SMYD3: variants seen among roughly 807,000 people sequenced by gnomAD.
SMYD3 encodes SET and MYND domain containing 3.
Under a neutral mutation model 57.7 loss-of-function variants are expected in SMYD3, and 36 were observed. The observed-to-expected ratio is 0.62, with a 90% CI of 0.48 to 0.82. The LOEUF (loss-of-function observed/expected upper bound fraction) is 0.82, where lower values mean the gene tolerates loss of function less well. Ranked by LOEUF, SMYD3 falls within the 40% of genes least tolerant of loss-of-function variation. The pLI is 0.00. For synonymous variants in SMYD3, 211 were observed against 195.0 expected (o/e 1.08, Z -0.68); for missense variants, 515 against 538.8 (o/e 0.96, Z 0.44).
intron 1 of SMYD3, among the ~76,000 whole-genome samples, chr1:246,358,972 G>C (rs2065948882): frequency 6.6e-6 from 1 of 150,940 alleles, no homozygotes; most frequent in African/African-American, 2.4e-5. Flanking sequence ...GATCAGAGAA[G>C]AACTAAATGA....
chr1:246,036,011 A>G (rs980214038), intron 5 of SMYD3, among the ~76,000 whole-genome samples: 2 of 152,248 alleles, frequency 1.3e-5, no homozygotes, highest in East Asian at 3.8e-4. Flanking sequence ...AGCCAGAACC[A>G]GTTGAAAGTG....
rs572487397 is a variant in SMYD3, at chr1:246,015,098, G to C, written c.532-85161C>G. ...TTCCCTAAAAATCAGTTCCTACCCC[G>C]TTAAAATCATCCACACTTCCCCATC... is the stretch of plus-strand genomic sequence containing the variant. On this transcript the variant is annotated intron_variant, in intron 5 of 11. Transcript: ENST00000490107. 4.2e-4 allele frequency among the ~76,000 whole-genome samples: 64 copies of C among 152,162 alleles called. No homozygotes were observed. In the South Asian group the frequency reaches 0.013, roughly 30 times the overall value.
intron 1 of SMYD3, among the ~76,000 whole-genome samples, chr1:246,499,741 C>T (rs1325861440): frequency 6.6e-6 from 1 of 152,114 alleles, no homozygotes; most frequent in African/African-American, 2.4e-5. Context: ...CAGGTGTGAG[C>T]CACCACGCCC....
chr1:245,768,528 A>G (rs2046211267), intron 10 of SMYD3, among the ~76,000 whole-genome samples: 1 of 152,246 alleles, frequency 6.6e-6, no homozygotes, highest in Non-Finnish European at 1.5e-5. Flanking sequence ...TTTGGCATTC[A>G]CAGGGTAGGA....
chr1:246,124,415 T>C (rs950260273), intron 5 of SMYD3, among the ~76,000 whole-genome samples: 1 of 152,204 alleles, frequency 6.6e-6, no homozygotes, highest in African/African-American at 2.4e-5. Flanking sequence ...GAGTTTTTTT[T>C]AAGGTTTTAT....
intron 5 of SMYD3, among the ~76,000 whole-genome samples, chr1:246,284,815 T>C (rs928474007): frequency 6.6e-6 from 1 of 152,208 alleles, no homozygotes; most frequent in Non-Finnish European, 1.5e-5. Context: ...AATAGGTTTC[T>C]AATGTGAAAC....
intron 5 of SMYD3, among the ~76,000 whole-genome samples, chr1:246,074,740 A>G (rs1441347511): frequency 6.6e-6 from 1 of 152,244 alleles, no homozygotes; most frequent in African/African-American, 2.4e-5. Context: ...GCCAGAGTCT[A>G]GTGCATAAAA....
chr1:245,969,007 A>C (rs1357012597), intron 5 of SMYD3, among the ~76,000 whole-genome samples: 1 of 152,202 alleles, frequency 6.6e-6, no homozygotes. Flanking sequence ...TGTCCTGTGG[A>C]GGCAACCTCT....
At chr1:246,267,667 A>G (rs2064134792) in intron 5 of SMYD3, among the ~76,000 whole-genome samples, 1 of 152,174 alleles carries the variant, frequency 6.6e-6, no homozygotes, top group South Asian at 2.1e-4. Context: ...CATTGTGCTT[A>G]TATATTGTCA....
chr1:246,260,303 G>A (rs1008091937), intron 5 of SMYD3, among the ~76,000 whole-genome samples: 21 of 152,034 alleles, frequency 1.4e-4, no homozygotes, highest in African/African-American at 4.1e-4. Context: ...AAAGCAGAAA[G>A]GGCCTCCCTA....
intron 5 of SMYD3, among the ~76,000 whole-genome samples, chr1:246,089,829 T>C (rs908251637): frequency 7.9e-5 from 12 of 151,866 alleles, no homozygotes; most frequent in African/African-American, 2.7e-4. Flanking sequence ...GCCCTCCAAA[T>C]TGCTCAGTTT....
chr1:246,113,813 G>C (rs1286727271), intron 5 of SMYD3: 2 of 152,080 alleles, frequency 1.3e-5, no homozygotes, highest in African/African-American at 4.8e-5. Context: ...CATACTCCTC[G>C]AATCTTTTAG....
chr1:245,854,917 G>A (rs2148465999), intron 10 of SMYD3, among the ~76,000 whole-genome samples: 1 of 152,318 alleles, frequency 6.6e-6, no homozygotes, highest in Non-Finnish European at 1.5e-5. Flanking sequence ...TCTGGCGAAG[G>A]TTAGGATTAC....
intron 1 of SMYD3, among the ~76,000 whole-genome samples, chr1:246,421,025 G>C (rs533769379): frequency 6.6e-6 from 1 of 152,092 alleles, no homozygotes; most frequent in Non-Finnish European, 1.5e-5. Context: ...TCCTCAAATA[G>C]CTATTCTTCT....
intron 10 of SMYD3, chr1:245,814,396 T>G: frequency 3.0e-6 from 3 of 984,762 alleles, no homozygotes; most frequent in Non-Finnish European, 3.6e-6. Flanking sequence ...AAAAGAAGAT[T>G]CTTTCCTGGT....
chr1:246,299,075 GT>G (rs1287262673), intron 5 of SMYD3, among the ~76,000 whole-genome samples: 1 of 152,024 alleles, frequency 6.6e-6, no homozygotes. Flanking sequence ...TGTAAAATCT[GT>G]TTCTGCAACT....
chr1:246,042,371 T>C (rs1313342543), intron 5 of SMYD3, among the ~76,000 whole-genome samples: 1 of 152,204 alleles, frequency 6.6e-6, no homozygotes, highest in East Asian at 1.9e-4. Context: ...CGTATAAGAA[T>C]ATAACTGTAA....
chr1:246,442,025 G>C (rs994815082), intron 1 of SMYD3, among the ~76,000 whole-genome samples: 1 of 152,242 alleles, frequency 6.6e-6, no homozygotes, highest in Non-Finnish European at 1.5e-5. Context: ...ACACATAATA[G>C]AGACACACTC....
At chr1:246,414,959 C>T (rs954615829) in intron 1 of SMYD3, among the ~76,000 whole-genome samples, 7 of 152,084 alleles carry the variant, frequency 4.6e-5, no homozygotes, top group Non-Finnish European at 8.8e-5. Context: ...TCAGGTGATC[C>T]ACCTGCCTCG....
Sources: gnomAD v4.1 joint callset for allele counts (sites outside exome capture counted in the v4.1 genomes callset) on GRCh38, gnomAD v4.1.1 for gene constraint, MANE v1.5 for transcripts, NCBI Gene and HGNC (gene_info 2026-07-23, HGNC 2026-07-21) for gene names.